Variants in ZNF503 observed in about 807,000 individuals in gnomAD.
ZNF503 encodes the protein zinc finger protein 503.
In ZNF503, 15 loss-of-function variants were observed where a neutral mutation model predicts 34.4. The observed-to-expected ratio is 0.44, with a 90% CI of 0.29 to 0.67. ZNF503 has a LOEUF of 0.67. Ranked by LOEUF, ZNF503 falls within the 30% of genes least tolerant of loss-of-function variation. The pLI, the probability that ZNF503 is intolerant of heterozygous loss-of-function variation, is 0.13. For missense variants in ZNF503, 1,007 were observed against 926.8 expected, an observed-to-expected ratio of 1.09 and a Z score of -1.12; for synonymous variants, 580 against 456.8, an observed-to-expected ratio of 1.27 and a Z score of -3.44.
the ZNF503 span, among the ~76,000 whole-genome samples, chr10:75,348,297 A>G: frequency 6.6e-6 from 1 of 151,628 alleles, no homozygotes; most frequent in Non-Finnish European, 1.5e-5. Context: ...CCTGACCTCA[A>G]GTGATCCGCC....
At chr10:75,312,684 G>A in the ZNF503 span, among the ~76,000 whole-genome samples, 2,970 of 152,146 alleles carry the variant, frequency 0.02, 110 homozygotes, top group African/African-American at 0.068. Context: ...TAAGATACAT[G>A]ATAAGTAAAC....
chr10:75,396,657 A>G (rs1323546126), downstream of ZNF503, among the ~76,000 whole-genome samples: 2 of 152,122 alleles, frequency 1.3e-5, no homozygotes, highest in African/African-American at 4.8e-5. This position sits in a 1 kb window ranked among gnomAD's most constrained non-coding sequence, Gnocchi z 4.4. Flanking sequence ...CGAGACTCGG[A>G]GAAACCGGAA....
At chr10:75,384,311 CACAT>C in the ZNF503 span, among the ~76,000 whole-genome samples, 2 of 152,092 alleles carry the variant, frequency 1.3e-5, no homozygotes, top group African/African-American at 2.4e-5. Context: ...TCACACCACA[CACAT>C]AAACTCATGA....
chr10:75,301,671 T>C, the ZNF503 span, among the ~76,000 whole-genome samples: 1 of 152,364 alleles, frequency 6.6e-6, no homozygotes, highest in East Asian at 1.9e-4. Flanking sequence ...TTCTCAGTGG[T>C]TGCTCTGATG....
the ZNF503 span, among the ~76,000 whole-genome samples, chr10:75,318,919 CTTCCTTCT>C: frequency 1.5e-3 from 227 of 150,370 alleles, no homozygotes; most frequent in African/African-American, 5.3e-3. Flanking sequence ...CCCTTTCTTC[CTTCCTTCT>C]TTCCTTCTTT....
chr10:75,356,495 G>A, the ZNF503 span, among the ~76,000 whole-genome samples: 2 of 152,220 alleles, frequency 1.3e-5, no homozygotes, highest in African/African-American at 2.4e-5. Flanking sequence ...GATTACAGGC[G>A]TGAGCCACCG....
At chr10:75,387,928 C>A in the ZNF503 span, among the ~76,000 whole-genome samples, 1 of 152,318 alleles carries the variant, frequency 6.6e-6, no homozygotes, top group Admixed American at 6.5e-5. Context: ...CAGAATCATC[C>A]CACAGTGCTC....
At chr10:75,379,673 T>A in the ZNF503 span, among the ~76,000 whole-genome samples, 2 of 152,252 alleles carry the variant, frequency 1.3e-5, no homozygotes, top group Non-Finnish European at 2.9e-5. Context: ...AGGAATCCTC[T>A]TGGATCTTTT....
chr10:75,383,571 G>C, the ZNF503 span, among the ~76,000 whole-genome samples: 1 of 152,262 alleles, frequency 6.6e-6, no homozygotes, highest in African/African-American at 2.4e-5. Context: ...AGGCAATCTT[G>C]GAGTCACTTT....
At chr10:75,317,869 A>G in the ZNF503 span, among the ~76,000 whole-genome samples, 2 of 151,484 alleles carry the variant, frequency 1.3e-5, no homozygotes, top group Admixed American at 1.3e-4. Context: ...GATGGCAGGC[A>G]CCTGTAATCC....
downstream of ZNF503, among the ~76,000 whole-genome samples, chr10:75,396,196 G>T (rs1843694628): frequency 6.6e-6 from 1 of 152,188 alleles, no homozygotes. The surrounding 1 kb of genome is among the most constrained non-coding windows in gnomAD (Gnocchi z 4.4). Flanking sequence ...CCGCCGGCCA[G>T]GATTCTCAAG....
the ZNF503 span, chr10:75,283,150 A>G: frequency 2.0e-5 from 3 of 152,274 alleles, no homozygotes; most frequent in Non-Finnish European, 4.4e-5. Context: ...AGGGAATTGG[A>G]TGGAAGAGGA....
At chr10:75,333,655 C>T in the ZNF503 span, among the ~76,000 whole-genome samples, 1 of 40,480 alleles carries the variant, frequency 2.5e-5, no homozygotes, top group African/African-American at 1.5e-4. Context: ...CACCTCCCTC[C>T]GGGACGGCAC....
At chr10:75,342,688 G>T in the ZNF503 span, among the ~76,000 whole-genome samples, 1 of 151,764 alleles carries the variant, frequency 6.6e-6, no homozygotes, top group Non-Finnish European at 1.5e-5. Context: ...GGGCTTGTGG[G>T]TGTGGTTTGC....
At chr10:75,362,819 C>T in the ZNF503 span, among the ~76,000 whole-genome samples, 1 of 152,082 alleles carries the variant, frequency 6.6e-6, no homozygotes, top group African/African-American at 2.4e-5. Context: ...GGTGGGGGAA[C>T]CACTGCTCAG....
At chr10:75,345,634 CAAAA>C in the ZNF503 span, among the ~76,000 whole-genome samples, 1 of 72,296 alleles carries the variant, frequency 1.4e-5, no homozygotes, top group African/African-American at 5.9e-5. Flanking sequence ...GACTCTGTCT[CAAAA>C]AAAAAAAAAA....
chr10:75,320,141 C>T, the ZNF503 span, among the ~76,000 whole-genome samples: 1 of 152,176 alleles, frequency 6.6e-6, no homozygotes, highest in Admixed American at 6.5e-5. Flanking sequence ...AAGAAAACTA[C>T]AGACCAGTAT....
the ZNF503 span, among the ~76,000 whole-genome samples, chr10:75,382,165 ATGG>A: frequency 2.6e-5 from 4 of 152,152 alleles, no homozygotes; most frequent in Admixed American, 2.6e-4. Context: ...ATGAGCCAAA[ATGG>A]TGGTAGTCAA....
chr10:75,329,888 C>T, the ZNF503 span, among the ~76,000 whole-genome samples: 2 of 152,202 alleles, frequency 1.3e-5, no homozygotes, highest in African/African-American at 4.8e-5. Flanking sequence ...CTGTTTAGGA[C>T]TTCCAGTACT....
Sources: gnomAD v4.1 joint callset for allele counts (sites outside exome capture counted in the v4.1 genomes callset) on GRCh38, gnomAD v4.1.1 for gene constraint, Gnocchi (gnomAD v3.1) non-coding constraint, MANE v1.5 for transcripts, NCBI Gene and HGNC (gene_info 2026-07-23, HGNC 2026-07-21) for gene names.